The following TENM1 variants were observed in gnomAD, a reference collection of about 807,000 sequenced individuals.
TENM1 encodes the protein teneurin-1.
TENM1 carries 35 observed loss-of-function variants against 174.8 expected under a neutral mutation model. The ratio of observed to expected loss-of-function variants is 0.20; its 90% CI spans 0.15 to 0.27. TENM1 has a LOEUF of 0.27. Ranked by LOEUF, TENM1 falls within the 10% of genes least tolerant of loss-of-function variation. The pLI is 1.00. For synonymous variants in TENM1, 781 were observed against 798.7 expected (o/e 0.98, Z 0.37); for missense variants, 1,633 against 2,130.1 (o/e 0.77, Z 4.59).
At chrX:124,655,625 C>T (rs973025014) in intron 6 of TENM1, among the ~76,000 whole-genome samples, 3 of 112,276 alleles carry the variant, frequency 2.7e-5, no homozygotes, top group African/African-American at 9.7e-5. Flanking sequence ...GTGGCCAATG[C>T]CTTGCAGCTT....
chrX:124,962,616 G>C (rs1262224736), intron 1 of TENM1, among the ~76,000 whole-genome samples: 1 of 111,417 alleles, frequency 9.0e-6, no homozygotes, highest in Non-Finnish European at 1.9e-5. Context: ...TCAGGAGTTT[G>C]AGACCAGCCT....
chrX:124,965,177 A>G (rs1256067423), upstream of TENM1, among the ~76,000 whole-genome samples: 7 of 111,394 alleles, frequency 6.3e-5, no homozygotes, highest in Non-Finnish European at 1.3e-4. Context: ...TCCCGGGTTC[A>G]CGCCATTCTT....
chrX:124,978,560 G>C, the TENM1 span, among the ~76,000 whole-genome samples: 1 of 111,752 alleles, frequency 8.9e-6, no homozygotes, highest in East Asian at 2.8e-4. Flanking sequence ...CTATATCTGT[G>C]AAATATGTCA....
At chrX:124,420,939 C>T in intron 24 of TENM1, 118 bp from the exon 28 acceptor site, 1 of 682,112 alleles carries the variant, frequency 1.5e-6, no homozygotes, top group Non-Finnish European at 2.2e-6. Flanking sequence ...AGTGAACCAA[C>T]ATTCTCTGTA....
chrX:124,668,779 A>G (rs1447204110), intron 6 of TENM1, among the ~76,000 whole-genome samples: 1 of 111,456 alleles, frequency 9.0e-6, no homozygotes, highest in Non-Finnish European at 1.9e-5. Context: ...CAGCACAACA[A>G]CATGGCACAT....
intron 11 of TENM1, among the ~76,000 whole-genome samples, chrX:124,600,846 G>A (rs766324483): frequency 9.0e-6 from 1 of 111,663 alleles, no homozygotes; most frequent in African/African-American, 3.2e-5. Flanking sequence ...AAAATGTAGT[G>A]CTTTATTCTG....
rs2053836906 is a variant in TENM1 at position 124,743,021 on chromosome X, A to G, written c.536-5824T>C. On this transcript the variant is annotated intron_variant, in intron 3 of 31. Coordinates refer to ENST00000422452, the Ensembl canonical transcript of TENM1. ...TATTAACTATTACTACTAACTCAAAATGTATGTTACTACTTAATGGTATTT... is the reference window on the plus strand; with the variant it reads ...TATTAACTATTACTACTAACTCAAAGTGTATGTTACTACTTAATGGTATTT... Among the ~76,000 whole-genome samples the G allele has an allele frequency of 1.8e-5, 2 of 111,480 alleles. 1 individual carries two copies. The highest frequency in any genetic ancestry group is 1.9e-4 in the Admixed American group (2 of 10,388).
At chrX:124,556,971 T>C (rs1464806942) in intron 14 of TENM1, among the ~76,000 whole-genome samples, 1 of 112,113 alleles carries the variant, frequency 8.9e-6, no homozygotes, top group Admixed American at 9.5e-5. Flanking sequence ...TTGTATTGTT[T>C]ATCATTTTCT....
chrX:124,849,799 C>A (rs1320524442), intron 3 of TENM1, among the ~76,000 whole-genome samples: 1 of 111,864 alleles, frequency 8.9e-6, no homozygotes, highest in Non-Finnish European at 1.9e-5. Context: ...AATACAAGTA[C>A]CTTGTTCTAA....
exon 1 of TENM1, chrX:124,963,727 G>A (rs1350716932): frequency 8.3e-7 from 1 of 1,211,450 alleles, no homozygotes; most frequent in Admixed American, 2.2e-5. Flanking sequence ...GTAGAGGCTG[G>A]TAGGGTTTGC....
intron 3 of TENM1, among the ~76,000 whole-genome samples, chrX:124,759,685 G>A (rs1202746640): frequency 1.8e-5 from 2 of 111,924 alleles, no homozygotes; most frequent in Non-Finnish European, 3.8e-5. Context: ...TAAATAATCA[G>A]TTGTATTTGG....
intron 14 of TENM1, among the ~76,000 whole-genome samples, chrX:124,553,355 C>T (rs1348173521): frequency 2.8e-5 from 3 of 108,876 alleles, no homozygotes; most frequent in Non-Finnish European, 5.7e-5. Context: ...CAATAATTAG[C>T]CGGGCGTGGT....
intron 3 of TENM1, among the ~76,000 whole-genome samples, chrX:124,887,778 C>A (rs192170187): frequency 9.0e-6 from 1 of 111,206 alleles, no homozygotes; most frequent in Non-Finnish European, 1.9e-5. Context: ...GTCTCACACA[C>A]GCCTAATGGG....
At chrX:124,471,523 A>AATATATAATATATAGTAATATATT (rs2061331119) in intron 22 of TENM1, among the ~76,000 whole-genome samples, 2 of 71,975 alleles carry the variant, frequency 2.8e-5, no homozygotes, top group Admixed American at 2.4e-4. Flanking sequence ...AGTAATATAT[A>AATATATAATATATAGTAATATATT]ATATATAATA....
the TENM1 span, among the ~76,000 whole-genome samples, chrX:125,170,484 C>G: frequency 4.5e-5 from 5 of 111,447 alleles, no homozygotes; most frequent in African/African-American, 1.6e-4. Flanking sequence ...GTTTCCTCCC[C>G]TATTTTAATT....
chrX:125,185,281 T>C, the TENM1 span, among the ~76,000 whole-genome samples: 4 of 112,307 alleles, frequency 3.6e-5, no homozygotes, highest in Non-Finnish European at 7.5e-5. Flanking sequence ...CAGTAAGAAC[T>C]ACTAAATAGT....
chrX:124,781,772 G>A (rs1450027492), intron 3 of TENM1, among the ~76,000 whole-genome samples: 1 of 110,848 alleles, frequency 9.0e-6, no homozygotes, highest in Non-Finnish European at 1.9e-5. Context: ...TATGAAAACA[G>A]CCTCTTATCT....
intron 18 of TENM1, among the ~76,000 whole-genome samples, chrX:124,503,947 A>G (rs755027419): frequency 1.8e-5 from 2 of 111,877 alleles, no homozygotes; most frequent in South Asian, 3.7e-4. Context: ...TGCTCTTATT[A>G]GGTTGGTACC....
chrX:125,178,517 C>T, the TENM1 span, among the ~76,000 whole-genome samples: 15 of 110,246 alleles, frequency 1.4e-4, no homozygotes, highest in Non-Finnish European at 2.3e-4. Flanking sequence ...AGTGAAATAT[C>T]TGACCATTAC....
Sources: gnomAD v4.1 joint callset for allele counts (sites outside exome capture counted in the v4.1 genomes callset) on GRCh38, gnomAD v4.1.1 for gene constraint, MANE v1.5 for transcripts, NCBI Gene and HGNC (gene_info 2026-07-23, HGNC 2026-07-21) for gene names.